SYTL2: variants seen among roughly 807,000 people sequenced by gnomAD.
The protein encoded by SYTL2 is synaptotagmin-like protein 2.
In SYTL2, 165 loss-of-function variants were observed where a neutral mutation model predicts 198.7. The observed-to-expected ratio is 0.83, with a 90% CI of 0.73 to 0.94. SYTL2 has a LOEUF of 0.94. Among genes scored for constraint, SYTL2 ranks in the 40% least tolerant of loss-of-function variants. The probability of loss-of-function intolerance (pLI) is 0.00; values close to 1 mark genes in which losing one functional copy is unlikely to be tolerated. For missense variants in SYTL2, 2,835 were observed against 2,582.8 expected (o/e 1.10, Z -2.12); for synonymous variants, 966 against 917.7 (o/e 1.05, Z -0.95).
the SYTL2 span, among the ~76,000 whole-genome samples, chr11:85,851,031 T>A: frequency 1.5e-5 from 1 of 67,896 alleles, no homozygotes; most frequent in Non-Finnish European, 2.7e-5. Context: ...TGTGGTGGGG[T>A]GGGGGGAGGG....
At chr11:85,730,406 A>C (rs1157047399) in intron 7 of SYTL2, among the ~76,000 whole-genome samples, 1 of 152,212 alleles carries the variant, frequency 6.6e-6, no homozygotes, top group Non-Finnish European at 1.5e-5. Flanking sequence ...TGATCAAGTC[A>C]GCTTCATCCC....
chr11:85,721,560 C>T (rs778890948), intron 8 of SYTL2, among the ~76,000 whole-genome samples: 22 of 152,016 alleles, frequency 1.4e-4, no homozygotes, highest in Admixed American at 2.6e-4. Context: ...TTTACTAATG[C>T]CGTTATTTTA....
At chr11:85,781,543 A>C (rs1352823170) in intron 1 of SYTL2, among the ~76,000 whole-genome samples, 1 of 152,202 alleles carries the variant, frequency 6.6e-6, no homozygotes, top group Non-Finnish European at 1.5e-5. Flanking sequence ...ATTAACTCAG[A>C]AGCCCACAGT....
At chr11:85,844,676 G>A in the SYTL2 span, among the ~76,000 whole-genome samples, 1 of 152,212 alleles carries the variant, frequency 6.6e-6, no homozygotes, top group Non-Finnish European at 1.5e-5. Flanking sequence ...GCAAAGGGCA[G>A]AGCCTGAGAC....
the SYTL2 span, among the ~76,000 whole-genome samples, chr11:85,821,680 T>C: frequency 6.6e-6 from 1 of 152,240 alleles, no homozygotes; most frequent in African/African-American, 2.4e-5. Flanking sequence ...AGGAGCTATA[T>C]ATATGTCCAT....
At chr11:85,837,875 C>A in the SYTL2 span, among the ~76,000 whole-genome samples, 1 of 152,182 alleles carries the variant, frequency 6.6e-6, no homozygotes, top group East Asian at 1.9e-4. Context: ...CACGCTTTCT[C>A]AATCTCAGTA....
chr11:85,820,751 C>T, the SYTL2 span, among the ~76,000 whole-genome samples: 15 of 152,252 alleles, frequency 9.9e-5, no homozygotes, highest in Admixed American at 9.8e-4. Context: ...GGAAACATAC[C>T]ACAAGAAAAC....
intron 1 of SYTL2, among the ~76,000 whole-genome samples, chr11:85,802,600 C>T (rs904108048): frequency 1.3e-5 from 2 of 151,940 alleles, no homozygotes; most frequent in African/African-American, 2.4e-5. Context: ...TCACCATTGT[C>T]ACCTTCAATA....
upstream of SYTL2, among the ~76,000 whole-genome samples, chr11:85,814,668 C>T (rs1399958688): frequency 6.6e-6 from 1 of 152,168 alleles, no homozygotes; most frequent in Non-Finnish European, 1.5e-5. Context: ...TGAAATTTAA[C>T]CCCTAACACC....
chr11:85,817,989 T>C, the SYTL2 span, among the ~76,000 whole-genome samples: 2 of 147,524 alleles, frequency 1.4e-5, no homozygotes, highest in African/African-American at 2.5e-5. Flanking sequence ...CTGCAACCTC[T>C]ACCTCCCGGA....
chr11:85,833,729 C>CT, the SYTL2 span, among the ~76,000 whole-genome samples: 30,354 of 121,124 alleles, frequency 0.25, 4,200 homozygotes, highest in Non-Finnish European at 0.27. Context: ...TCGAAGATTT[C>CT]TTTTTTTTTT....
chr11:85,742,820 T>C (rs2090900199), intron 4 of SYTL2, among the ~76,000 whole-genome samples: 1 of 152,236 alleles, frequency 6.6e-6, no homozygotes, highest in Admixed American at 6.5e-5. Flanking sequence ...GAAAAGTCTG[T>C]AACCAGAACT....
At chr11:85,845,370 GATA>G in the SYTL2 span, among the ~76,000 whole-genome samples, 1 of 152,242 alleles carries the variant, frequency 6.6e-6, no homozygotes, top group Non-Finnish European at 1.5e-5. Flanking sequence ...GAAACTGGGA[GATA>G]ATAAATGATT....
chr11:85,846,671 C>A, the SYTL2 span, among the ~76,000 whole-genome samples: 1 of 151,386 alleles, frequency 6.6e-6, no homozygotes, highest in African/African-American at 2.4e-5. Flanking sequence ...AGGTGATCCA[C>A]GCACCTCAGC....
the SYTL2 span, among the ~76,000 whole-genome samples, chr11:85,819,253 C>A: frequency 6.6e-6 from 1 of 152,224 alleles, no homozygotes; most frequent in South Asian, 2.1e-4. Flanking sequence ...CTTTAAAAGA[C>A]AAATGGAAAA....
chr11:85,850,195 A>G, the SYTL2 span, among the ~76,000 whole-genome samples: 3 of 148,318 alleles, frequency 2.0e-5, no homozygotes, highest in Admixed American at 6.8e-5. Flanking sequence ...GGGCTGAGAC[A>G]ATGGGGTTTT....
chr11:85,794,379 C>T (rs1050491499), intron 1 of SYTL2, among the ~76,000 whole-genome samples: 1 of 151,720 alleles, frequency 6.6e-6, no homozygotes, highest in Non-Finnish European at 1.5e-5. Flanking sequence ...CAGGTTCTCC[C>T]TATGTTTCCA....
chr11:85,702,776 CG>C (rs2084547113), intron 16 of SYTL2, among the ~76,000 whole-genome samples: 1 of 152,058 alleles, frequency 6.6e-6, no homozygotes, highest in African/African-American at 2.4e-5. Context: ...AAAAAATGAA[CG>C]GGCATACCAA....
At chr11:85,743,645 CT>C (rs1438913322) in intron 4 of SYTL2, among the ~76,000 whole-genome samples, 1 of 152,096 alleles carries the variant, frequency 6.6e-6, no homozygotes, top group Non-Finnish European at 1.5e-5. Flanking sequence ...AACGGAGATG[CT>C]AATCTTGAAT....
Sources: gnomAD v4.1 joint callset for allele counts (sites outside exome capture counted in the v4.1 genomes callset) on GRCh38, gnomAD v4.1.1 for gene constraint, MANE v1.5 for transcripts, NCBI Gene and HGNC (gene_info 2026-07-23, HGNC 2026-07-21) for gene names.